Variants in DPP10 observed in about 807,000 individuals in gnomAD.
DPP10 encodes the protein inactive dipeptidyl peptidase 10.
In DPP10, 33 loss-of-function variants were observed where a neutral mutation model predicts 120.9. The ratio of observed to expected loss-of-function variants is 0.27; its 90% CI spans 0.21 to 0.37. The LOEUF is 0.37. Ranked by LOEUF, DPP10 falls within the 10% of genes least tolerant of loss-of-function variation. The pLI is 1.00. For missense variants in DPP10, 816 were observed against 942.8 expected (o/e 0.87, Z 1.76); for synonymous variants, 337 against 326.1 (o/e 1.03, Z -0.36).
At chr2:114,887,622 T>C (rs1333568822) in intron 1 of DPP10, among the ~76,000 whole-genome samples, 1 of 152,208 alleles carries the variant, frequency 6.6e-6, no homozygotes, top group East Asian at 1.9e-4. Context: ...ACAGTGTTAA[T>C]GATGTATACT....
At chr2:114,844,128 C>G (rs1307740505) in intron 1 of DPP10, among the ~76,000 whole-genome samples, 1 of 152,006 alleles carries the variant, frequency 6.6e-6, no homozygotes. Context: ...CCTATTTTGT[C>G]CTTTCTTTAC....
At chr2:114,929,268 C>G (rs1020229430) in intron 1 of DPP10, among the ~76,000 whole-genome samples, 4 of 152,030 alleles carry the variant, frequency 2.6e-5, no homozygotes, top group Non-Finnish European at 5.9e-5. Flanking sequence ...GTTCCACGTC[C>G]TGCTGCGCAC....
intron 1 of DPP10, among the ~76,000 whole-genome samples, chr2:114,776,787 T>C (rs1681786396): frequency 6.6e-6 from 1 of 152,046 alleles, no homozygotes; most frequent in Non-Finnish European, 1.5e-5. Context: ...TAAGAATTGA[T>C]GAGTATTGAA....
chr2:114,704,883 G>C (rs1700595628), intron 1 of DPP10, among the ~76,000 whole-genome samples: 1 of 152,076 alleles, frequency 6.6e-6, no homozygotes, highest in Non-Finnish European at 1.5e-5. Flanking sequence ...TAACTCTATA[G>C]ACTGGTGTCC....
intron 1 of DPP10, among the ~76,000 whole-genome samples, chr2:115,052,855 G>A (rs1705610960): frequency 6.6e-6 from 1 of 151,852 alleles, no homozygotes; most frequent in Non-Finnish European, 1.5e-5. Flanking sequence ...AGGAGGCTTA[G>A]GCAGGAGAAT....
intron 1 of DPP10, among the ~76,000 whole-genome samples, chr2:114,818,078 T>C (rs1685784976): frequency 6.6e-6 from 1 of 151,760 alleles, no homozygotes; most frequent in Non-Finnish European, 1.5e-5. Flanking sequence ...AACCATAGAG[T>C]AAAATTCATC....
At chr2:115,378,333 C>G (rs1485804751) in intron 3 of DPP10, among the ~76,000 whole-genome samples, 1 of 129,528 alleles carries the variant, frequency 7.7e-6, no homozygotes, top group Non-Finnish European at 1.8e-5. Context: ...TGGGAGTTCA[C>G]TCATGATTTG....
chr2:114,901,846 A>T (rs1163272447), intron 1 of DPP10, among the ~76,000 whole-genome samples: 1 of 152,224 alleles, frequency 6.6e-6, no homozygotes, highest in Non-Finnish European at 1.5e-5. Context: ...CTTTACCAGT[A>T]CTGTCCTGAA....
At chr2:115,725,454 A>G (rs962042080) in intron 7 of DPP10, among the ~76,000 whole-genome samples, 2 of 152,210 alleles carry the variant, frequency 1.3e-5, no homozygotes, top group African/African-American at 4.8e-5. Context: ...TACAGCTTTC[A>G]GTGGCATGGC....
intron 1 of DPP10, among the ~76,000 whole-genome samples, chr2:115,127,648 A>G (rs2050144493): frequency 6.6e-6 from 1 of 152,248 alleles, no homozygotes; most frequent in Admixed American, 6.5e-5. Context: ...CTTTGTGGAA[A>G]CAAGGGACAT....
chr2:115,092,900 G>A (rs1479274130), intron 1 of DPP10, among the ~76,000 whole-genome samples: 3 of 152,098 alleles, frequency 2.0e-5, no homozygotes, highest in African/African-American at 4.8e-5. Context: ...GTGACTTTTA[G>A]GCAGTCTAGA....
intron 3 of DPP10, among the ~76,000 whole-genome samples, chr2:115,475,448 G>A (rs138166036): frequency 6.6e-6 from 1 of 152,346 alleles, no homozygotes; most frequent in Non-Finnish European, 1.5e-5. Context: ...AAGCCTGGAT[G>A]TCCTGGCAGA....
chr2:114,776,731 T>C (rs1385672620), intron 1 of DPP10, among the ~76,000 whole-genome samples: 1 of 152,168 alleles, frequency 6.6e-6, no homozygotes. Flanking sequence ...TAAAGTCACA[T>C]ATTCAAGTTG....
intron 5 of DPP10, among the ~76,000 whole-genome samples, chr2:115,601,275 G>A (rs2083303867): frequency 6.6e-6 from 1 of 152,154 alleles, no homozygotes; most frequent in Non-Finnish European, 1.5e-5. Context: ...ACTATAAAAT[G>A]TCATTAAGGT....
At chr2:115,720,198 T>C (rs1295444242) in intron 7 of DPP10, among the ~76,000 whole-genome samples, 1 of 152,210 alleles carries the variant, frequency 6.6e-6, no homozygotes, top group African/African-American at 2.4e-5. Context: ...CAACACTTAT[T>C]AGTGGCTCTC....
intron 1 of DPP10, among the ~76,000 whole-genome samples, chr2:114,685,539 C>CTAG (rs921967608): frequency 6.6e-6 from 1 of 151,992 alleles, no homozygotes; most frequent in African/African-American, 2.4e-5. Flanking sequence ...TATGTGCTTG[C>CTAG]TAGTGTTTCC....
At chr2:115,198,758 T>C (rs1274963021) in intron 1 of DPP10, among the ~76,000 whole-genome samples, 1 of 152,154 alleles carries the variant, frequency 6.6e-6, no homozygotes, top group Non-Finnish European at 1.5e-5. Flanking sequence ...CTTGTTCCTT[T>C]ACATTACTAA....
intron 4 of DPP10, among the ~76,000 whole-genome samples, chr2:115,522,897 A>AATTAGAC (rs1418717800): frequency 2.6e-5 from 4 of 152,298 alleles, no homozygotes; most frequent in Admixed American, 6.5e-5. Flanking sequence ...TAATGTCTAC[A>AATTAGAC]ATTAGAATCA....
At chr2:115,113,730 C>T (rs2049353181) in intron 1 of DPP10, among the ~76,000 whole-genome samples, 1 of 152,066 alleles carries the variant, frequency 6.6e-6, no homozygotes, top group Admixed American at 6.6e-5. Context: ...TATTTTGGGG[C>T]AACATATAAC....
Sources: allele counts gnomAD v4.1 joint callset (sites outside exome capture counted in the v4.1 genomes callset), GRCh38; gene constraint gnomAD v4.1.1; transcripts MANE v1.5; gene names NCBI Gene and HGNC (gene_info 2026-07-23, HGNC 2026-07-21).